Variants in EXOC4 observed in about 807,000 individuals in gnomAD.
The protein encoded by EXOC4 is exocyst complex component 4.
Under a neutral mutation model 107.2 loss-of-function variants are expected in EXOC4, and 71 were observed. The ratio of observed to expected loss-of-function variants is 0.66; its 90% CI spans 0.55 to 0.81. The LOEUF (loss-of-function observed/expected upper bound fraction) is 0.81. Among genes scored for constraint, EXOC4 ranks in the 30% least tolerant of loss-of-function variants. The probability of loss-of-function intolerance (pLI) is 0.00; values close to 1 mark genes in which losing one functional copy is unlikely to be tolerated. For missense variants in EXOC4, 1,108 were observed against 1,189.6 expected, an observed-to-expected ratio of 0.93 and a Z score of 1.01; for synonymous variants, 456 against 441.2, an observed-to-expected ratio of 1.03 and a Z score of -0.42.
At chr7:133,933,943 T>A (rs1434622678) in intron 13 of EXOC4, among the ~76,000 whole-genome samples, 4 of 149,634 alleles carry the variant, frequency 2.7e-5, no homozygotes, top group Admixed American at 2.7e-4. Flanking sequence ...GCATGATACA[T>A]TTCTGCAGTT....
In EXOC4 at chr7:134,032,436, G is replaced by T. The variant is rs565206239; in HGVS notation, c.2687+24601G>T. Among the ~76,000 whole-genome samples the T allele has an allele frequency of 2.6e-5, 4 of 152,294 alleles. No homozygotes were observed. In the East Asian group the frequency reaches 7.7e-4, roughly 29 times the overall value. ...CCATCTTCCTGCTGCTAATGGGACT[G>T]ATTGGCACCTCTCCACACCACATCA... On this transcript the variant is annotated intron_variant, in intron 17 of 17. Coordinates refer to ENST00000253861, the MANE Select transcript of EXOC4 (RefSeq NM_021807.4).
chr7:133,534,662 A>G (rs2150924752), intron 9 of EXOC4, among the ~76,000 whole-genome samples: 1 of 152,338 alleles, frequency 6.6e-6, no homozygotes, highest in Middle Eastern at 3.4e-3. Flanking sequence ...CATACATAGT[A>G]GTGTTACATC....
At chr7:133,865,238 G>A (rs1243339685) in intron 11 of EXOC4, among the ~76,000 whole-genome samples, 2 of 151,846 alleles carry the variant, frequency 1.3e-5, no homozygotes, top group Non-Finnish European at 2.9e-5. Context: ...CTGTGTATCA[G>A]TAGAAATGAA....
At chr7:133,664,841 G>C (rs911279387) in intron 10 of EXOC4, among the ~76,000 whole-genome samples, 2 of 151,876 alleles carry the variant, frequency 1.3e-5, no homozygotes, top group African/African-American at 4.8e-5. Flanking sequence ...TTTTTGGTAA[G>C]GTAATGAAGA....
At chr7:133,902,705 A>T (rs1187979640) in intron 12 of EXOC4, among the ~76,000 whole-genome samples, 2 of 152,048 alleles carry the variant, frequency 1.3e-5, no homozygotes, top group African/African-American at 4.8e-5. Flanking sequence ...ACGCCAAAAA[A>T]TTAGCCAGGT....
At chr7:133,523,436 G>C (rs967103231) in intron 9 of EXOC4, among the ~76,000 whole-genome samples, 5 of 119,692 alleles carry the variant, frequency 4.2e-5, no homozygotes, top group African/African-American at 1.2e-4. Context: ...ATACCTTTCA[G>C]TTCTTTTTTT....
chr7:133,987,654 G>A (rs1794150054), intron 14 of EXOC4, among the ~76,000 whole-genome samples: 1 of 152,158 alleles, frequency 6.6e-6, no homozygotes, highest in Admixed American at 6.5e-5. Flanking sequence ...AAAATCTCAT[G>A]GGATCATTCT....
At chr7:133,896,690 G>A (rs1204533974) in intron 12 of EXOC4, among the ~76,000 whole-genome samples, 2 of 148,894 alleles carry the variant, frequency 1.3e-5, no homozygotes, top group African/African-American at 5.0e-5. Flanking sequence ...TTTTTGAGAA[G>A]GAGTCTCGCT....
At chr7:134,015,614 C>T (rs1208507548) in intron 17 of EXOC4, among the ~76,000 whole-genome samples, 1 of 152,122 alleles carries the variant, frequency 6.6e-6, no homozygotes, top group Non-Finnish European at 1.5e-5. Flanking sequence ...CGGTGGCTCA[C>T]ACCTGTAATC....
At chr7:133,832,381 ATGT>A (rs1797828874) in intron 11 of EXOC4, among the ~76,000 whole-genome samples, 1 of 152,206 alleles carries the variant, frequency 6.6e-6, no homozygotes, top group Non-Finnish European at 1.5e-5. Context: ...ACAATGCAAA[ATGT>A]TGTGTGTCTA....
At chr7:133,735,337 A>G (rs1367113595) in intron 10 of EXOC4, among the ~76,000 whole-genome samples, 1 of 133,112 alleles carries the variant, frequency 7.5e-6, no homozygotes, top group African/African-American at 2.7e-5. Context: ...TTTCTTTTTT[A>G]TAAAGCAGCT....
chr7:133,607,951 A>G (rs1269751724), intron 9 of EXOC4, among the ~76,000 whole-genome samples: 1 of 152,238 alleles, frequency 6.6e-6, no homozygotes, highest in Admixed American at 6.5e-5. Context: ...CAAAATTGCT[A>G]TCAGTAAGTC....
intron 9 of EXOC4, among the ~76,000 whole-genome samples, chr7:133,497,521 C>T (rs1035095144): frequency 6.6e-6 from 1 of 151,722 alleles, no homozygotes; most frequent in Non-Finnish European, 1.5e-5. Context: ...ACCTCCACCT[C>T]CTGGGTTCAA....
At chr7:133,980,485 T>TC (rs1453102589) in intron 14 of EXOC4, among the ~76,000 whole-genome samples, 1 of 152,198 alleles carries the variant, frequency 6.6e-6, no homozygotes, top group Admixed American at 6.5e-5. Context: ...TTTAACGATT[T>TC]CCCCAAGGTT....
chr7:133,536,033 G>A (rs1563100115), intron 9 of EXOC4, among the ~76,000 whole-genome samples: 2 of 152,288 alleles, frequency 1.3e-5, no homozygotes, highest in Middle Eastern at 3.4e-3. Context: ...TGAGGCAGCA[G>A]CATCAGGTAA....
At chr7:133,633,038 A>G (rs1006552667) in intron 10 of EXOC4, among the ~76,000 whole-genome samples, 2 of 152,170 alleles carry the variant, frequency 1.3e-5, no homozygotes, top group Non-Finnish European at 2.9e-5. Flanking sequence ...GTTTTACTCA[A>G]TGCTTGTTAC....
Position 133,801,326 on chromosome 7 carries a change from G to A in EXOC4, c.1515-15999G>A, listed in dbSNP as rs112378495. Reference sequence around the variant, plus strand: ...TCAATTATTTATGGTTTAAATGAATGCAAATAAGACTTTCTGGCTTGCTGT... The same window carrying A: ...TCAATTATTTATGGTTTAAATGAATACAAATAAGACTTTCTGGCTTGCTGT... On this transcript the variant is annotated intron_variant, in intron 10 of 17. Coordinates refer to ENST00000253861, the MANE Select transcript of EXOC4 (RefSeq NM_021807.4). Among the ~76,000 whole-genome samples, 431 of 152,268 alleles carry A rather than the reference G, an allele frequency of 2.8e-3. 4 individuals are homozygous for A. In the East Asian group the frequency reaches 0.031, roughly 11 times the overall value.
chr7:133,363,939 G>A (rs879505676), intron 6 of EXOC4, among the ~76,000 whole-genome samples: 7 of 152,226 alleles, frequency 4.6e-5, no homozygotes, highest in Non-Finnish European at 8.8e-5. Flanking sequence ...ATGATGTGTA[G>A]GGGTGGTGTC....
At chr7:134,063,541 G>A (rs989127384) in intron 17 of EXOC4, among the ~76,000 whole-genome samples, 1 of 152,170 alleles carries the variant, frequency 6.6e-6, no homozygotes, top group African/African-American at 2.4e-5. Context: ...AAAGGGAGGT[G>A]TAGCCCCTGG....
Sources: allele counts gnomAD v4.1 joint callset (sites outside exome capture counted in the v4.1 genomes callset), GRCh38; gene constraint gnomAD v4.1.1; transcripts MANE v1.5; gene names NCBI Gene and HGNC (gene_info 2026-07-23, HGNC 2026-07-21).